Variants in GLDC observed in about 807,000 individuals in gnomAD.
The protein encoded by GLDC is glycine decarboxylase.
GLDC carries 104 observed loss-of-function variants against 121.3 expected under a neutral mutation model. The observed-to-expected ratio is 0.86, with a 90% CI of 0.73 to 1.01. The LOEUF is 1.01. GLDC is among the 50% of genes least tolerant of loss of function. GLDC has a pLI of 0.00. For missense variants in GLDC, 1,429 were observed against 1,306.6 expected (o/e 1.09, Z -1.44); for synonymous variants, 546 against 480.6 (o/e 1.14, Z -1.78).
At chr9:6,558,506 C>T (rs748670384) in intron 17 of GLDC, 53 bp downstream of exon 17, 6 of 1,603,742 alleles carry the variant, frequency 3.7e-6, no homozygotes, top group Admixed American at 1.7e-5. Context: ...CCCTGATCCC[C>T]ACCAGCACTC....
intron 15 of GLDC, among the ~76,000 whole-genome samples, chr9:6,570,760 A>G (rs919048536): frequency 1.3e-5 from 2 of 151,894 alleles, no homozygotes; most frequent in Non-Finnish European, 2.9e-5. Flanking sequence ...AGGGTGAGAC[A>G]AGAGAATCAC....
In GLDC at chr9:6,620,238, T is replaced by C. The variant is rs141609010; in HGVS notation, c.416A>G (p.Tyr139Cys). ...AATCGTCTGTGGCACTGAGCAGTTA[T>C]AATAGCCCATGCCAATATACGATCT... Reference protein sequence around the residue: ...IWRSYIGMGYYNCSVPQTILR... With the variant: ...IWRSYIGMGYCNCSVPQTILR... Residue 139 changes from tyrosine to cysteine, a missense_variant, in exon 3 of 25, where the codon TAT becomes TGT. Physicochemically the swap from Tyr to Cys is radical, Grantham distance 194 (BLOSUM62 -2). Transcript: ENST00000321612. The C allele has an allele frequency of 1.2e-6, 2 of 1,613,476 alleles. No individual in the cohort carries two copies. Among genetic ancestry groups the C allele is most frequent in the South Asian group, 1.1e-5 (1 of 91,050 alleles).
At chr9:6,596,530 C>T (rs1321772726) in intron 8 of GLDC, among the ~76,000 whole-genome samples, 2 of 152,078 alleles carry the variant, frequency 1.3e-5, no homozygotes, top group Non-Finnish European at 2.9e-5. Flanking sequence ...TGCTTTAGCC[C>T]AGGAGTTAAA....
chr9:6,554,247 A>C (rs1817571311), intron 19 of GLDC, among the ~76,000 whole-genome samples: 1 of 152,148 alleles, frequency 6.6e-6, no homozygotes, highest in South Asian at 2.1e-4. Flanking sequence ...TGTGTTACTT[A>C]TCTCAACACC....
chr9:6,558,831 C>A, intron 16 of GLDC, 147 bp from the exon 17 acceptor site: 1 of 879,774 alleles, frequency 1.1e-6, no homozygotes, highest in Non-Finnish European at 1.8e-6. Flanking sequence ...AAATCTGCTA[C>A]AATTTAATTA....
intron 15 of GLDC, among the ~76,000 whole-genome samples, chr9:6,583,482 C>T (rs1240936256): frequency 6.6e-6 from 1 of 152,108 alleles, no homozygotes; most frequent in African/African-American, 2.4e-5. Context: ...CCAGACCAGC[C>T]TGGGCAATGT....
At position 6,569,788 on chromosome 9, in the gene GLDC, G is replaced by A. The variant is rs892854643; in HGVS notation, c.1851-4359C>T. 9.9e-5 allele frequency among the ~76,000 whole-genome samples: 15 copies of A among 151,982 alleles called. No homozygotes were observed. The South Asian group carries it at 1.5e-3, about 15-fold the overall frequency. ...GTTAGAAGATCGAGACCAGCCTGGC[G>A]AACATGGCAAAACCCTGTCTCTACT... On this transcript the variant is annotated intron_variant, in intron 15 of 24. Transcript: ENST00000321612.
rs767772993 is a variant in GLDC, at chr9:6,536,087, C to G, written c.2815G>C (p.Asp939His). Reference protein sequence around the residue: ...EIADIEEGRIDPRVNPLKMSP... With the variant: ...EIADIEEGRIHPRVNPLKMSP... The stretch of plus-strand genomic sequence containing the variant: ...ACCTTCAGCGGATTGACCCTGGGGT[C>G]GATGCGGCCCTCCTCAATGTCAGCA... The change falls in exon 23 of 25, where the codon GAC (aspartate) becomes CAC (histidine). Residue 939 changes from aspartate to histidine, a missense_variant. Physicochemically the swap from Asp to His is moderately conservative, Grantham distance 81. Transcript: ENST00000321612. 6.2e-7 allele frequency: 1 copy of G among 1,613,818 alleles called. No individual in the cohort carries two copies. The highest frequency in any genetic ancestry group is 8.5e-7 in the Non-Finnish European group (1 of 1,179,894).
chr9:6,629,959 T>TATGTATATATATATATATATATATATA (rs1449751329), intron 2 of GLDC, among the ~76,000 whole-genome samples: 1 of 55,870 alleles, frequency 1.8e-5, no homozygotes, highest in African/African-American at 1.5e-4. Context: ...ATATATATAT[T>TATGTATATATATATATATATATATATA]TTTTTTTTTT....
intron 15 of GLDC, among the ~76,000 whole-genome samples, chr9:6,574,640 A>G (rs1236359949): frequency 6.6e-6 from 1 of 152,146 alleles, no homozygotes; most frequent in Non-Finnish European, 1.5e-5. Context: ...GGAAATTGGG[A>G]AAGAGGAGTT....
At chr9:6,580,940 C>G (rs1413108147) in intron 15 of GLDC, among the ~76,000 whole-genome samples, 4 of 152,224 alleles carry the variant, frequency 2.6e-5, no homozygotes, top group African/African-American at 4.8e-5. Context: ...GTGCTGCTCA[C>G]AGGTCTTTGT....
chr9:6,602,713 T>A (rs1363336522), intron 7 of GLDC, among the ~76,000 whole-genome samples: 1 of 152,114 alleles, frequency 6.6e-6, no homozygotes, highest in African/African-American at 2.4e-5. Flanking sequence ...AGTCTAGGAA[T>A]TTTGAAAGAA....
At chr9:6,606,810 C>A (rs570000128) in intron 4 of GLDC, 141 bp from the exon 5 acceptor site, 297 of 689,582 alleles carry the variant, frequency 4.3e-4, no homozygotes, top group Non-Finnish European at 6.6e-4. Flanking sequence ...CGGTGGCTCA[C>A]GCCTGTAATC....
At chr9:6,612,699 T>C (rs1818884026) in intron 3 of GLDC, among the ~76,000 whole-genome samples, 1 of 152,068 alleles carries the variant, frequency 6.6e-6, no homozygotes, top group African/African-American at 2.4e-5. Context: ...CCGTCTCTAC[T>C]AAGAATACAA....
intron 2 of GLDC, among the ~76,000 whole-genome samples, chr9:6,625,245 T>C (rs1367899752): frequency 1.3e-5 from 2 of 152,050 alleles, no homozygotes; most frequent in African/African-American, 4.8e-5. Context: ...CCGCCAGTTA[T>C]CCAGCCCAAA....
chr9:6,614,709 C>T (rs1587968736), intron 3 of GLDC, among the ~76,000 whole-genome samples: 3 of 152,086 alleles, frequency 2.0e-5, no homozygotes, highest in Admixed American at 6.6e-5. Flanking sequence ...TAATTTTCTA[C>T]AGTCATGCAT....
chr9:6,578,615 C>A (rs1274977263), intron 15 of GLDC, among the ~76,000 whole-genome samples: 1 of 151,552 alleles, frequency 6.6e-6, no homozygotes, highest in Non-Finnish European at 1.5e-5. Context: ...TCATGGCTCA[C>A]TGCAGCCTCA....
intron 24 of GLDC, among the ~76,000 whole-genome samples, chr9:6,533,498 C>A (rs886842557): frequency 4.6e-5 from 7 of 152,008 alleles, no homozygotes; most frequent in Admixed American, 3.9e-4. Flanking sequence ...ATTTAGCTGA[C>A]CTTCTCTTTT....
At position 6,543,788 on chromosome 9, in the gene GLDC, C is replaced by T. The variant is rs144464414; in HGVS notation, c.2570-3642G>A. On this transcript the variant is annotated intron_variant, in intron 21 of 24. Coordinates refer to ENST00000321612, the MANE Select transcript of GLDC (RefSeq NM_000170.3). ...CGATATCAAGTGGAAACTGAATAAA[C>T]CACTCAGCACCAACTTTTCGTGTTA... Among the ~76,000 whole-genome samples the T allele has an allele frequency of 2.0e-4, 31 of 152,158 alleles. No homozygotes were observed. In the South Asian group the frequency reaches 2.9e-3, roughly 14 times the overall value.
Sources: allele counts gnomAD v4.1 joint callset (sites outside exome capture counted in the v4.1 genomes callset), GRCh38; gene constraint gnomAD v4.1.1; transcripts MANE v1.5; gene names NCBI Gene and HGNC (gene_info 2026-07-23, HGNC 2026-07-21).